TRAPPC9: variants seen among roughly 807,000 people sequenced by gnomAD.
TRAPPC9 encodes the protein IKK2 binding protein.
TRAPPC9 carries 83 observed loss-of-function variants against 124.0 expected under a neutral mutation model. That is an observed-to-expected ratio of 0.67 (90% CI 0.56 to 0.80). The LOEUF is 0.80. TRAPPC9 is among the 30% of genes least tolerant of loss of function. TRAPPC9 has a pLI of 0.00. For missense variants in TRAPPC9, 1,302 were observed against 1,508.3 expected (o/e 0.86, Z 2.27); for synonymous variants, 638 against 617.5 (o/e 1.03, Z -0.49).
intron 19 of TRAPPC9, among the ~76,000 whole-genome samples, chr8:139,911,699 T>C (rs1055672274): frequency 4.6e-5 from 7 of 151,044 alleles, no homozygotes; most frequent in African/African-American, 1.7e-4. Context: ...AGTGAGACTC[T>C]GTCTTAAAAG....
chr8:139,967,088 GC>G (rs1196383652), intron 19 of TRAPPC9, among the ~76,000 whole-genome samples: 1 of 152,176 alleles, frequency 6.6e-6, no homozygotes, highest in Non-Finnish European at 1.5e-5. Flanking sequence ...AACACTCAGG[GC>G]CCCTTCCTAC....
At chr8:139,794,832 A>G (rs72683234) in intron 21 of TRAPPC9, among the ~76,000 whole-genome samples, 8,381 of 152,290 alleles carry the variant, frequency 0.055, 344 homozygotes, top group East Asian at 0.13. Flanking sequence ...ACCATTCTGC[A>G]CAAGTAGCAG....
chr8:139,861,059 C>T (rs181264884), intron 21 of TRAPPC9, among the ~76,000 whole-genome samples: 12 of 152,370 alleles, frequency 7.9e-5, no homozygotes, highest in African/African-American at 2.4e-4. Context: ...CATATGCTGG[C>T]GGGAAGAACT....
chr8:140,009,603 G>C (rs1013992442), intron 18 of TRAPPC9, among the ~76,000 whole-genome samples: 4 of 152,228 alleles, frequency 2.6e-5, no homozygotes, highest in African/African-American at 9.6e-5. Context: ...TTTAATGTTT[G>C]TTCTGAGGAT....
At chr8:139,775,782 G>T (rs2130484127) in intron 21 of TRAPPC9, among the ~76,000 whole-genome samples, 1 of 152,312 alleles carries the variant, frequency 6.6e-6, no homozygotes, top group Admixed American at 6.5e-5. Flanking sequence ...GCCTTCGGAG[G>T]CCTGCCTGGC....
intron 7 of TRAPPC9, among the ~76,000 whole-genome samples, chr8:140,384,949 C>T (rs1440553623): frequency 6.6e-6 from 1 of 152,166 alleles, no homozygotes; most frequent in Non-Finnish European, 1.5e-5. Flanking sequence ...GGTAAAAGAA[C>T]AGAAATTATA....
intron 21 of TRAPPC9, among the ~76,000 whole-genome samples, chr8:139,732,957 G>C (rs1212168290): frequency 1.3e-5 from 2 of 152,132 alleles, no homozygotes; most frequent in African/African-American, 4.8e-5. Flanking sequence ...TCCTAACTGG[G>C]CAGCAGCAAG....
intron 20 of TRAPPC9, among the ~76,000 whole-genome samples, chr8:139,895,252 C>T (rs111968305): frequency 1.6e-4 from 25 of 152,284 alleles, no homozygotes; most frequent in African/African-American, 4.6e-4. Context: ...GGCATGCTCC[C>T]GCTTTGCGGT....
rs900952207 is a variant in TRAPPC9 at position 139,728,988 on chromosome 8, T to C, written c.*2073A>G. On this transcript the variant is annotated 3_prime_UTR_variant, in exon 23 of 23. Coordinates refer to ENST00000438773, the MANE Select transcript of TRAPPC9 (RefSeq NM_001160372.4). ...TTCCATATTGGCTTTTCTAGGCTTCTATATGCATCTATATCTAATCTGGAT... is the reference window on the plus strand; with the variant it reads ...TTCCATATTGGCTTTTCTAGGCTTCCATATGCATCTATATCTAATCTGGAT... Among the ~76,000 whole-genome samples the C allele has an allele frequency of 1.6e-4, 24 of 152,268 alleles. No homozygotes were observed. Among genetic ancestry groups the C allele is most frequent in the Admixed American group, 1.1e-3 (17 of 15,290 alleles).
At chr8:139,886,292 T>G (rs1830011623) in intron 20 of TRAPPC9, among the ~76,000 whole-genome samples, 1 of 152,240 alleles carries the variant, frequency 6.6e-6, no homozygotes, top group Non-Finnish European at 1.5e-5. Flanking sequence ...GGAAGGTTAT[T>G]TTTCCTTAAT....
chr8:139,846,445 A>G (rs1450720969), intron 21 of TRAPPC9, among the ~76,000 whole-genome samples: 1 of 152,230 alleles, frequency 6.6e-6, no homozygotes, highest in Non-Finnish European at 1.5e-5. Context: ...ATCTCTCCGA[A>G]CTGACTGCCT....
intron 17 of TRAPPC9, among the ~76,000 whole-genome samples, chr8:140,084,051 TC>T (rs1844026483): frequency 6.6e-6 from 1 of 152,168 alleles, no homozygotes; most frequent in African/African-American, 2.4e-5. Flanking sequence ...ACAGGCACCA[TC>T]ATCCAAGTGA....
chr8:140,253,116 T>C (rs945279246), intron 15 of TRAPPC9, among the ~76,000 whole-genome samples, 187 bp from the exon 16 acceptor site: 2 of 152,062 alleles, frequency 1.3e-5, no homozygotes, highest in African/African-American at 4.8e-5. Context: ...CACCCCTGTT[T>C]ATGAAGGAGG....
chr8:139,955,625 T>C (rs774036382), intron 19 of TRAPPC9, among the ~76,000 whole-genome samples: 10 of 151,838 alleles, frequency 6.6e-5, no homozygotes, highest in African/African-American at 9.7e-5. Context: ...AACTGCACAA[T>C]TGGAAGGAGA....
chr8:140,213,281 T>G (rs1176152685), intron 17 of TRAPPC9, among the ~76,000 whole-genome samples: 1 of 152,164 alleles, frequency 6.6e-6, no homozygotes, highest in Non-Finnish European at 1.5e-5. Context: ...TGGTATTTTG[T>G]GTCTTCTAAG....
rs114740191 is a variant in TRAPPC9, at chr8:139,788,607, C to T, written c.3056-56405G>A. Reference sequence around the variant, plus strand: ...CCACTCCACGACAGCCCATGAAGAACGGTACCCACCCCCGCCCCCGTGTGA... The same window carrying T: ...CCACTCCACGACAGCCCATGAAGAATGGTACCCACCCCCGCCCCCGTGTGA... On this transcript the variant is annotated intron_variant, in intron 21 of 22. Coordinates refer to ENST00000438773, the MANE Select transcript of TRAPPC9 (RefSeq NM_001160372.4). This position sits in a 1 kb window ranked among gnomAD's most constrained non-coding sequence, Gnocchi z 4.9. Among the ~76,000 whole-genome samples the T allele has an allele frequency of 4.7e-3, 719 of 152,310 alleles. 10 individuals are homozygous for T. The highest frequency in any genetic ancestry group is 0.017 in the African/African-American group (698 of 41,568).
At chr8:139,861,525 G>A (rs1828156375) in intron 21 of TRAPPC9, among the ~76,000 whole-genome samples, 1 of 152,192 alleles carries the variant, frequency 6.6e-6, no homozygotes, top group South Asian at 2.1e-4. Flanking sequence ...ACTGAAACTA[G>A]AAGCAAGGGG....
intron 15 of TRAPPC9, among the ~76,000 whole-genome samples, chr8:140,263,264 C>T (rs1468363348): frequency 1.3e-5 from 2 of 152,168 alleles, no homozygotes; most frequent in African/African-American, 4.8e-5. Context: ...ACTGCTATCA[C>T]GGGACACCTT....
chr8:139,959,024 T>TTCCGAGTCACACGGGGGAGCCCTGCAG, intron 19 of TRAPPC9, among the ~76,000 whole-genome samples: 2 of 150,552 alleles, frequency 1.3e-5, no homozygotes, highest in African/African-American at 2.5e-5. Flanking sequence ...GAGGCCTGCA[T>TTCCGAGTCACACGGGGGAGCCCTGCAG]TCCGAGTCAC....
Sources: allele counts gnomAD v4.1 joint callset (sites outside exome capture counted in the v4.1 genomes callset), GRCh38; gene constraint gnomAD v4.1.1; non-coding constraint Gnocchi (gnomAD v3.1); transcripts MANE v1.5; gene names NCBI Gene and HGNC (gene_info 2026-07-23, HGNC 2026-07-21).